PCCB: variants seen among roughly 807,000 people sequenced by gnomAD.
PCCB encodes the protein propionyl-CoA carboxylase subunit beta.
A neutral mutation model predicts 60.7 loss-of-function variants in PCCB; 43 were observed. The ratio of observed to expected loss-of-function variants is 0.71; its 90% CI spans 0.55 to 0.91. PCCB has a LOEUF of 0.91. Among genes scored for constraint, PCCB ranks in the 40% least tolerant of loss-of-function variants. PCCB has a pLI of 0.00. For missense variants in PCCB, 766 were observed against 702.8 expected (o/e 1.09, Z -1.02); for synonymous variants, 276 against 255.9 (o/e 1.08, Z -0.75).
intron 5 of PCCB, among the ~76,000 whole-genome samples, chr3:136,280,020 G>A (rs916820938): frequency 5.3e-5 from 8 of 152,138 alleles, no homozygotes; most frequent in Admixed American, 2.0e-4. Flanking sequence ...TGCTGGGGCC[G>A]CAACTGCTGA....
intron 5 of PCCB, among the ~76,000 whole-genome samples, chr3:136,266,343 G>T (rs1213059364): frequency 6.6e-6 from 1 of 150,976 alleles, no homozygotes; most frequent in Middle Eastern, 3.2e-3. Context: ...TGGCCAGGCT[G>T]GTCTTGAACT....
At chr3:136,320,141 AC>A (rs1348153130) in intron 10 of PCCB, among the ~76,000 whole-genome samples, 3 of 152,214 alleles carry the variant, frequency 2.0e-5, no homozygotes, top group Admixed American at 6.5e-5. Context: ...GTGTCTTCCA[AC>A]TTTATTGTTG....
chr3:136,261,499 G>A (rs1416028701), intron 4 of PCCB, among the ~76,000 whole-genome samples: 1 of 152,190 alleles, frequency 6.6e-6, no homozygotes, highest in Non-Finnish European at 1.5e-5. Context: ...TAACCCATGA[G>A]GAAAATCTGT....
At chr3:136,286,880 A>G (rs1438377911) in intron 6 of PCCB, among the ~76,000 whole-genome samples, 1 of 151,982 alleles carries the variant, frequency 6.6e-6, no homozygotes, top group South Asian at 2.1e-4. Context: ...AAAATACAAA[A>G]ATTAGCCAAG....
chr3:136,327,022 A>G, intron 11 of PCCB, 112 bp downstream of exon 11: 1 of 1,108,698 alleles, frequency 9.0e-7, no homozygotes. Context: ...TTCTCCATGT[A>G]TTCTGGGTGT....
intron 4 of PCCB, 67 bp downstream of exon 4, chr3:136,260,602 T>C (rs1007532793): frequency 7.6e-5 from 101 of 1,337,106 alleles, no homozygotes; most frequent in Non-Finnish European, 9.9e-5. Flanking sequence ...TTGAGTATCT[T>C]TGGGGTACAA....
intron 6 of PCCB, among the ~76,000 whole-genome samples, chr3:136,285,810 C>G (rs188692299): frequency 6.6e-6 from 1 of 152,194 alleles, no homozygotes; most frequent in Non-Finnish European, 1.5e-5. Context: ...TTTCTGCTTA[C>G]AAAACTTTAG....
intron 5 of PCCB, among the ~76,000 whole-genome samples, chr3:136,268,209 A>G (rs188422008): frequency 1.2e-4 from 18 of 147,784 alleles, no homozygotes; most frequent in Non-Finnish European, 2.2e-4. Context: ...ATCCATTTTG[A>G]GTTAATTTTT....
intron 3 of PCCB, chr3:136,259,246 C>G (rs1470050856): frequency 3.4e-6 from 3 of 889,306 alleles, no homozygotes; most frequent in African/African-American, 3.5e-5. Flanking sequence ...GTGGGTAGAT[C>G]ACTTGAGGCC....
Position 136,314,252 on chromosome 3 carries a change from G to A in PCCB, c.967-2689G>A, listed in dbSNP as rs1019399228. ...GACAATTTAAACATAAAATGATGGT[G>A]AAAGATTATAATCCATAGAATAAAA... On this transcript the variant is annotated intron_variant, in intron 9 of 14. Transcript: ENST00000251654. Among the ~76,000 whole-genome samples, 5 of 152,158 alleles carry A rather than the reference G, an allele frequency of 3.3e-5. No individual in the cohort carries two copies. In the East Asian group the frequency reaches 9.6e-4, roughly 29 times the overall value.
At chr3:136,326,997 C>G (rs922217618) in intron 11 of PCCB, 87 bp downstream of exon 11, 4 of 1,137,398 alleles carry the variant, frequency 3.5e-6, no homozygotes, top group Non-Finnish European at 5.4e-6. Flanking sequence ...GCAGAACTCC[C>G]CGAGGACTTG....
intron 1 of PCCB, 104 bp downstream of exon 1, chr3:136,250,662 G>A: frequency 1.7e-6 from 2 of 1,164,410 alleles, no homozygotes; most frequent in Admixed American, 2.6e-5. Context: ...TCCGCACGGT[G>A]CCTGGAGGGG....
chr3:136,287,256 C>A (rs1933459160), intron 6 of PCCB, among the ~76,000 whole-genome samples: 1 of 152,060 alleles, frequency 6.6e-6, no homozygotes, highest in Non-Finnish European at 1.5e-5. Flanking sequence ...ATTAGCGTTT[C>A]CTGTTTTGAC....
chr3:136,286,318 CCA>C (rs1269523874), intron 6 of PCCB, among the ~76,000 whole-genome samples: 1 of 152,222 alleles, frequency 6.6e-6, no homozygotes, highest in Non-Finnish European at 1.5e-5. Context: ...GCTGATCACT[CCA>C]GTCTCATGAC....
At chr3:136,297,756 T>C (rs190813214) in intron 7 of PCCB, among the ~76,000 whole-genome samples, 196 bp from the exon 8 acceptor site, 6 of 152,228 alleles carry the variant, frequency 3.9e-5, no homozygotes, top group East Asian at 1.9e-4. Flanking sequence ...AGAGGGAACA[T>C]GTGCTGCATG....
chr3:136,259,219 C>T (rs753932665), intron 3 of PCCB: 118 of 1,328,762 alleles, frequency 8.9e-5, no homozygotes, highest in Non-Finnish European at 1.2e-4. Context: ...GTCATCTCAG[C>T]ACTTTGGGAG....
chr3:136,269,048 A>G (rs975619405), intron 5 of PCCB, among the ~76,000 whole-genome samples: 9 of 152,168 alleles, frequency 5.9e-5, no homozygotes, highest in African/African-American at 1.7e-4. Context: ...GGGGAGGCCA[A>G]GGCAGGGGGA....
At chr3:136,262,446 A>C (rs1341838213) in intron 5 of PCCB, among the ~76,000 whole-genome samples, 1 of 152,178 alleles carries the variant, frequency 6.6e-6, no homozygotes, top group Non-Finnish European at 1.5e-5. Flanking sequence ...TTTTAGTTAA[A>C]ACACTACAGG....
intron 1 of PCCB, chr3:136,252,439 G>A (rs1941542809): frequency 2.5e-6 from 1 of 395,638 alleles, no homozygotes; most frequent in Non-Finnish European, 5.1e-6. Flanking sequence ...TAGAGATGGA[G>A]TTTCACCATG....
Sources: allele counts gnomAD v4.1 joint callset (sites outside exome capture counted in the v4.1 genomes callset), GRCh38; gene constraint gnomAD v4.1.1; transcripts MANE v1.5; gene names NCBI Gene and HGNC (gene_info 2026-07-23, HGNC 2026-07-21).